The following BPTF variants were observed in gnomAD, a reference collection of about 807,000 sequenced individuals.
BPTF encodes the protein bromodomain PHD finger transcription factor, also known as nucleosome-remodeling factor subunit BPTF.
Under a neutral mutation model 292.5 loss-of-function variants are expected in BPTF, and 18 were observed. The observed-to-expected ratio is 0.06, with a 90% CI of 0.04 to 0.09. BPTF has a LOEUF of 0.09. Ranked by LOEUF, BPTF falls within the 10% of genes least tolerant of loss-of-function variation. The pLI, the probability that BPTF is intolerant of heterozygous loss-of-function variation, is 1.00. For synonymous variants in BPTF, 1,225 were observed against 1,251.9 expected (o/e 0.98, Z 0.45); for missense variants, 2,726 against 3,498.7 (o/e 0.78, Z 5.57).
Position 67,837,699 on chromosome 17 carries a change from C to T in BPTF, c.613+11362C>T, listed in dbSNP as rs149669594. ...TGCTGGGATTACAGGCGTGAGCCAC[C>T]GTGCCCAGCCTATGTGGTTTTAAAT... On this transcript the variant is annotated intron_variant, in intron 1 of 27. Transcript: ENST00000306378. Among the ~76,000 whole-genome samples, 769 of 152,282 alleles carry T rather than the reference C, an allele frequency of 5.0e-3. 10 individuals carry two copies. Among genetic ancestry groups the T allele is most frequent in the African/African-American group, 0.018 (737 of 41,544 alleles).
In BPTF at chr17:67,854,840, A is replaced by G; in HGVS notation, c.1436+78A>G. The G allele has an allele frequency of 2.0e-6, 2 of 984,664 alleles. No individual in the cohort carries two copies. The highest frequency in any genetic ancestry group is 3.0e-6 in the Non-Finnish European group (2 of 656,588). The allele number at this position is 984,664 out of a possible 1,614,324, so 61.0% of individuals were successfully genotyped here. On this transcript the variant is annotated intron_variant, in intron 2 of 27. Coordinates refer to ENST00000306378, the MANE Select transcript of BPTF (RefSeq NM_182641.4). This position sits in a 1 kb window ranked among gnomAD's most constrained non-coding sequence, Gnocchi z 5.6. ...CCTTCGTGATTGATGTAGCAGAGCTATGCTGTTGATGTGGTATAAACCTTT... is the reference window on the plus strand; with the variant it reads ...CCTTCGTGATTGATGTAGCAGAGCTGTGCTGTTGATGTGGTATAAACCTTT...
chr17:67,943,602 G>A (rs1015855459), intron 19 of BPTF, among the ~76,000 whole-genome samples: 4 of 152,064 alleles, frequency 2.6e-5, no homozygotes, highest in Admixed American at 6.6e-5. Flanking sequence ...AATTTGGCAC[G>A]TATTGAAAGA....
chr17:67,946,006 T>C lies in BPTF; in HGVS notation c.7298T>C (p.Ile2433Thr), dbSNP rs782330755. 2 of 1,614,184 alleles carry C rather than the reference T, an allele frequency of 1.2e-6. No homozygotes were observed. The highest frequency in any genetic ancestry group is 2.2e-5 in the East Asian group (1 of 44,892). Residue 2433 changes from isoleucine to threonine, a missense_variant, in exon 21 of 28, where the codon ATT (isoleucine) becomes ACT (threonine). Ile to Thr is a moderately conservative substitution (Grantham distance 89). This residue lies in a region of BPTF where 570 missense variants were observed against 633.5 expected (regional missense o/e 0.90). Transcript: ENST00000306378. ...ATACAGCAGCCACAGCCCCAAGTCA[T>C]TGCTGTGCCTCAGCTGCAACAACAA... ...LQIQQPQPQV[I>T]AVPQLQQQVQ...
rs552555852 is a variant in BPTF, at chr17:67,976,059, C to T, written c.8726+101C>T. 264 of 842,382 alleles carry T rather than the reference C, an allele frequency of 3.1e-4. 1 individual carries two copies. The South Asian group carries it at 4.6e-3, about 15-fold the overall frequency. The allele number at this position is 842,382 out of a possible 1,614,324, so 52.2% of individuals were successfully genotyped here. On this transcript the variant is annotated intron_variant, in intron 27 of 27. Transcript: ENST00000306378. ...CCAGTGCAGTTTATGGTAAATTTAA[C>T]CTTAAATATCTTTAAAAAAAAAATA...
At chr17:67,971,804 G>A (rs1416543137) in intron 26 of BPTF, among the ~76,000 whole-genome samples, 1 of 147,566 alleles carries the variant, frequency 6.8e-6, no homozygotes, top group African/African-American at 2.5e-5. Context: ...CTTCAGCCTG[G>A]GCAATAGAGT....
At chr17:67,828,640 TGCCTCA>T (rs976531858) in intron 1 of BPTF, among the ~76,000 whole-genome samples, 2 of 152,222 alleles carry the variant, frequency 1.3e-5, no homozygotes, top group Non-Finnish European at 2.9e-5. Context: ...GCAATTCTCC[TGCCTCA>T]GCCTCCCAAG....
At chr17:67,844,047 G>A (rs1242321256) in intron 1 of BPTF, among the ~76,000 whole-genome samples, 1 of 145,098 alleles carries the variant, frequency 6.9e-6, no homozygotes, top group Non-Finnish European at 1.5e-5. Flanking sequence ...TTACAGGTGT[G>A]AGCCACCGTG....
chr17:67,917,515 A>G (rs1404092629), intron 11 of BPTF, among the ~76,000 whole-genome samples: 1 of 152,148 alleles, frequency 6.6e-6, no homozygotes, highest in African/African-American at 2.4e-5. Context: ...AACTTTATTC[A>G]TCATCCAGTT....
chr17:67,933,038 A>G (rs1393455301), intron 18 of BPTF, among the ~76,000 whole-genome samples: 1 of 152,088 alleles, frequency 6.6e-6, no homozygotes, highest in East Asian at 1.9e-4. Context: ...AGATCACCTG[A>G]GGTCAGGAGT....
intron 15 of BPTF, among the ~76,000 whole-genome samples, chr17:67,927,965 C>T (rs2064057124): frequency 6.6e-6 from 1 of 151,990 alleles, no homozygotes; most frequent in Non-Finnish European, 1.5e-5. Context: ...CTTACTGCAA[C>T]CTCTGCCGCC....
chr17:67,969,867 G>A (rs1367622375), intron 26 of BPTF, among the ~76,000 whole-genome samples: 7 of 151,706 alleles, frequency 4.6e-5, no homozygotes, highest in African/African-American at 1.7e-4. Flanking sequence ...CAGAGGTTGT[G>A]GTAAGCCAAG....
intron 18 of BPTF, among the ~76,000 whole-genome samples, chr17:67,935,751 G>A (rs975126080): frequency 2.3e-4 from 35 of 152,032 alleles, no homozygotes; most frequent in Middle Eastern, 3.2e-3. Context: ...AGCTACTTGA[G>A]GTCAAGGCAG....
In BPTF at chr17:67,912,807, C is replaced by T. The variant is rs141710319; in HGVS notation, c.4923C>T (p.Gly1641=). The change falls in exon 11 of 28, where the codon GGC becomes GGT. Residue 1641 remains glycine, a synonymous_variant. Coordinates refer to ENST00000306378, the MANE Select transcript of BPTF (RefSeq NM_182641.4). ...TVTKLSTPST[G]GSVDIISVKE... is the part of the protein sequence containing the mutation. Reference sequence around the variant, plus strand: ...CCAAGCTTTCCACACCCTCCACAGGCGGCAGTGTGGACATCATCTCTGTAA... The same window carrying T: ...CCAAGCTTTCCACACCCTCCACAGGTGGCAGTGTGGACATCATCTCTGTAA... 4,222 of 1,614,126 alleles carry T rather than the reference C, an allele frequency of 2.6e-3. 5 individuals are homozygous for T. The highest frequency in any genetic ancestry group is 3.3e-3 in the Non-Finnish European group (3,853 of 1,180,006).
rs557231812 is a variant in BPTF, at chr17:67,932,075, C to T, written c.6259+56C>T. ...ATCTCAACAGCCAGTCTAGGAAATA[C>T]GTAATTCTCTGCATTTGGCACTACA... is the stretch of plus-strand genomic sequence containing the variant. On this transcript the variant is annotated intron_variant, in intron 18 of 27. Transcript: ENST00000306378. 35 of 1,438,044 alleles carry T rather than the reference C, an allele frequency of 2.4e-5. 1 individual carries two copies. The highest frequency in any genetic ancestry group is 2.3e-5 in the South Asian group (2 of 85,452). 89.1% of individuals were successfully genotyped at this position (1,438,044 alleles called of 1,614,324 possible).
chr17:67,934,492 C>G (rs2147643770), intron 18 of BPTF, among the ~76,000 whole-genome samples: 1 of 150,294 alleles, frequency 6.7e-6, no homozygotes, highest in Non-Finnish European at 1.5e-5. Flanking sequence ...GCACTGCAGC[C>G]TGGGCAACAA....
At chr17:67,979,703 G>A (rs1555695914) in intron 27 of BPTF, among the ~76,000 whole-genome samples, 1 of 152,132 alleles carries the variant, frequency 6.6e-6, no homozygotes. Flanking sequence ...CCTTGCCATA[G>A]CAGGGCTTAA....
chr17:67,844,813 G>A (rs893626424), intron 1 of BPTF, among the ~76,000 whole-genome samples: 14 of 151,514 alleles, frequency 9.2e-5, no homozygotes, highest in African/African-American at 1.7e-4. Context: ...GCATGATCTC[G>A]GCTCACCGCA....
intron 4 of BPTF, among the ~76,000 whole-genome samples, chr17:67,882,937 T>G (rs1173305924): frequency 6.7e-6 from 1 of 149,516 alleles, no homozygotes; most frequent in Non-Finnish European, 1.5e-5. Flanking sequence ...GGTAGAAGTT[T>G]CAGTCAACTG....
Position 67,911,553 on chromosome 17 carries a change from A to G in BPTF, c.3669A>G (p.Ala1223=), listed in dbSNP as rs2062655256. The G allele has an allele frequency of 5.0e-6, 8 of 1,614,176 alleles. No individual in the cohort carries two copies. The highest frequency in any genetic ancestry group is 1.7e-5 in the Admixed American group (1 of 60,018). ...FFIDDSKLAS[A]DDIGTLICKN... is the part of the protein sequence containing the mutation. ...TCGATGACTCTAAACTAGCCAGTGC[A>G]GATGATATTGGTACTTTGATCTGTA... The change falls in exon 11 of 28, where the codon GCA becomes GCG. Residue 1223 remains alanine (A), a synonymous_variant. Transcript: ENST00000306378.
Sources: gnomAD v4.1 joint callset for allele counts (sites outside exome capture counted in the v4.1 genomes callset) on GRCh38, gnomAD v4.1.1 for gene constraint, gnomAD v4.1.1 regional missense constraint, Gnocchi (gnomAD v3.1) non-coding constraint, MANE v1.5 for transcripts, NCBI Gene and HGNC (gene_info 2026-07-23, HGNC 2026-07-21) for gene names.